The following ZFYVE19 variants were observed in gnomAD, a reference collection of about 807,000 sequenced individuals.
ZFYVE19 encodes zinc finger FYVE-type containing 19.
In ZFYVE19, 49 loss-of-function variants were observed where a neutral mutation model predicts 62.8. That is an observed-to-expected ratio of 0.78 (90% CI 0.62 to 0.99). The LOEUF (loss-of-function observed/expected upper bound fraction) is 0.99, where lower values mean the gene tolerates loss of function less well. Ranked by LOEUF, ZFYVE19 falls within the 50% of genes least tolerant of loss-of-function variation. The pLI is 0.00. For missense variants in ZFYVE19, 630 were observed against 601.9 expected, an observed-to-expected ratio of 1.05 and a Z score of -0.49; for synonymous variants, 242 against 234.3, an observed-to-expected ratio of 1.03 and a Z score of -0.30.
Position 40,814,208 on chromosome 15 carries a change from T to C in ZFYVE19, c.1398T>C (p.Arg466=). The stretch of plus-strand genomic sequence containing the variant: ...AGACATCTGCCTACTCTCCTCCACG[T>C]GCAGGCCAAGAGCACTGAAGACACC... ...EHQTSAYSPP[R]AGQEH is the part of the protein sequence containing the mutation. Residue 466 remains arginine, a synonymous_variant, in exon 11 of 11, where the codon CGT becomes CGC. Coordinates refer to ENST00000355341, the MANE Select transcript of ZFYVE19 (RefSeq NM_001077268.2). 1 of 1,614,162 alleles carries C rather than the reference T, an allele frequency of 6.2e-7. No individual in the cohort carries two copies. The highest frequency in any genetic ancestry group is 1.7e-5 in the Admixed American group (1 of 60,020).
intron 6 of ZFYVE19, among the ~76,000 whole-genome samples, chr15:40,812,454 G>T (rs1192796969): frequency 6.6e-6 from 1 of 151,518 alleles, no homozygotes; most frequent in Non-Finnish European, 1.5e-5. Context: ...GCTGAGGCAG[G>T]AGAATCGCTT....
rs1160187123 is a variant in ZFYVE19, at chr15:40,810,116, T to C, written c.617T>C (p.Leu206Pro). 7 of 1,614,016 alleles carry C rather than the reference T, an allele frequency of 4.3e-6. No individual in the cohort carries two copies. The highest frequency in any genetic ancestry group is 5.9e-6 in the Non-Finnish European group (7 of 1,180,026). ...QAEIEARLAA[L>P]KDERQGSIPS... ...GAGATAGAGGCACGGCTGGCTGCCCTAAAGGATGAACGTCAGGGTTCCATC... is the reference window on the plus strand; with the variant it reads ...GAGATAGAGGCACGGCTGGCTGCCCCAAAGGATGAACGTCAGGGTTCCATC... Residue 206 changes from leucine (L) to proline (P), a missense_variant, in exon 5 of 11, where the codon CTA becomes CCA. Physicochemically the swap from Leu to Pro is moderately conservative, Grantham distance 98. Coordinates refer to ENST00000355341, the MANE Select transcript of ZFYVE19 (RefSeq NM_001077268.2).
chr15:40,808,388 G>A lies in ZFYVE19; in HGVS notation c.279+520G>A, dbSNP rs745537693. On this transcript the variant is annotated intron_variant, in intron 1 of 10. Coordinates refer to ENST00000355341, the MANE Select transcript of ZFYVE19 (RefSeq NM_001077268.2). ...CTCTGGTAAACTGCAGGTTCCCTCT[G>A]CCTCAGTTGTGGCCAGGGATTCTGA... 50 of 1,595,980 alleles carry A rather than the reference G, an allele frequency of 3.1e-5. No individual in the cohort carries two copies. The South Asian group carries it at 5.3e-4, about 17-fold the overall frequency.
Position 40,813,716 on chromosome 15 carries a change from AC to A in ZFYVE19, c.1115del (p.Thr372MetfsTer135). On this transcript the variant is annotated frameshift_variant, in exon 9 of 11. Transcript: ENST00000355341. LOFTEE classifies it high-confidence loss of function. ...TACATCTTCACCCTGTCCGCAGCTC[AC>A]TGAAGAAGCTTCCCTGGATGAGGCA... The part of the protein sequence containing the change: ...TAIQRVLQQL[T>X]EEASLDEASG... 6.2e-7 allele frequency: 1 copy of A among 1,613,292 alleles called. No individual in the cohort carries two copies. Among genetic ancestry groups the A allele is most frequent in the South Asian group, 1.1e-5 (1 of 90,988 alleles).
chr15:40,814,333 T>A lies in ZFYVE19; in HGVS notation c.*107T>A. 8.0e-7 allele frequency: 1 copy of A among 1,248,120 alleles called. No homozygotes were observed. Among genetic ancestry groups the A allele is most frequent in the Non-Finnish European group, 1.1e-6 (1 of 881,108 alleles). 77.3% of individuals were successfully genotyped at this position (1,248,120 alleles called of 1,614,324 possible). ...AGAGCTTGTCTGGCTCTACTGATGA[T>A]GGATAGGCCCCTTCCTGAGCCTTGG... On this transcript the variant is annotated 3_prime_UTR_variant, in exon 11 of 11. Transcript: ENST00000355341.
rs183707737 is a variant in ZFYVE19 at position 40,808,317 on chromosome 15, T to C, written c.279+449T>C. The C allele has an allele frequency of 5.2e-5, 83 of 1,597,930 alleles. No homozygotes were observed. In the African/African-American group the frequency reaches 6.1e-4, roughly 12 times the overall value. ...ACTTCCTCCTGCTTCCGGGGCACCATGGTGAAGGCTGACTGTCCTGTCCCT... is the reference window on the plus strand; with the variant it reads ...ACTTCCTCCTGCTTCCGGGGCACCACGGTGAAGGCTGACTGTCCTGTCCCT... On this transcript the variant is annotated intron_variant, in intron 1 of 10. Transcript: ENST00000355341.
In ZFYVE19 at chr15:40,813,404, G is replaced by A. The variant is rs936348248; in HGVS notation, c.1097G>A (p.Arg366Lys). ...GAGGATGAGGAGACAGCCATCCAAA[G>A]AGTCCTGCAGCAGGTGGGCCTGGAT... ...DDEDEETAIQ[R>K]VLQQLTEEAS... is the part of the protein sequence containing the mutation. Residue 366 changes from arginine (R) to lysine (K), a missense_variant, in exon 8 of 11, where the codon AGA becomes AAA. By Grantham distance (26) the Arg-to-Lys change is conservative. Coordinates refer to ENST00000355341, the MANE Select transcript of ZFYVE19 (RefSeq NM_001077268.2). 8 of 1,607,130 alleles carry A rather than the reference G, an allele frequency of 5.0e-6. No individual in the cohort carries two copies. Among genetic ancestry groups the A allele is most frequent in the Admixed American group, 3.4e-5 (2 of 59,126 alleles).
chr15:40,811,224 G>A (rs2141978157), intron 6 of ZFYVE19: 1 of 218,908 alleles, frequency 4.6e-6, no homozygotes, highest in Middle Eastern at 1.8e-3. Context: ...ATGCTCAGTA[G>A]CCATATGGGC....
intron 1 of ZFYVE19, chr15:40,808,334 C>A (rs766472831): frequency 6.3e-7 from 1 of 1,597,874 alleles, no homozygotes; most frequent in Non-Finnish European, 8.5e-7. Flanking sequence ...GGCTGACTGT[C>A]CTGTCCCTAT....
intron 8 of ZFYVE19, 140 bp downstream of exon 8, chr15:40,813,557 C>T (rs1404295145): frequency 1.8e-6 from 2 of 1,131,960 alleles, no homozygotes; most frequent in Non-Finnish European, 2.5e-6. Flanking sequence ...CCCAGACCTG[C>T]CCACTGGTCC....
rs1433374297 is a variant in ZFYVE19, at chr15:40,807,772, G to C, written c.183G>C (p.Arg61=). The change falls in exon 1 of 11, where the codon CGG becomes CGC. Residue 61 remains arginine (R), a synonymous_variant. Transcript: ENST00000355341. ...GEGPRGPGLG[R]RDLSSADPAV... is the part of the protein sequence containing the mutation. The stretch of plus-strand genomic sequence containing the variant: ...GTCCAAGGGGCCCAGGACTTGGCCG[G>C]CGTGATCTCAGCTCTGCAGACCCTG... 6.3e-7 allele frequency: 1 copy of C among 1,583,180 alleles called. No individual in the cohort carries two copies. The highest frequency in any genetic ancestry group is 1.1e-5 in the South Asian group (1 of 87,936).
Position 40,812,772 on chromosome 15 carries a change from C to T in ZFYVE19, c.900C>T (p.Ser300=), listed in dbSNP as rs1188176425. 1 of 1,613,174 alleles carries T rather than the reference C, an allele frequency of 6.2e-7. No individual in the cohort carries two copies. Among genetic ancestry groups the T allele is most frequent in the Non-Finnish European group, 8.5e-7 (1 of 1,180,010 alleles). The change falls in exon 7 of 11, where the codon TCC becomes TCT. Residue 300 remains serine (S), a synonymous_variant. Transcript: ENST00000355341. ...ATTCCAAGAGGCAGGCCAACTGGTC[C>T]TTGGAGGAGGAGAAGAGCAGACTGC... The part of the protein sequence containing the change: ...STNSKRQANW[S]LEEEKSRLLA...
chr15:40,813,208 G>C (rs2141980591), intron 7 of ZFYVE19, 130 bp from the exon 8 acceptor site: 1 of 859,660 alleles, frequency 1.2e-6, no homozygotes. Context: ...GGTGGCTGAA[G>C]AGGCTTCTCA....
At position 40,807,435 on chromosome 15, in the gene ZFYVE19, G is replaced by T. The variant is rs2141970904; in HGVS notation, c.-155G>T. ...ACAGGTCCATCTGTAAGAGCTCCTT[G>T]GTCACTGCCATGGTTCCGGCCTGAC... is the stretch of plus-strand genomic sequence containing the variant. On this transcript the variant is annotated 5_prime_UTR_variant, in exon 1 of 11. Coordinates refer to ENST00000355341, the MANE Select transcript of ZFYVE19 (RefSeq NM_001077268.2). 2 of 1,614,228 alleles carry T rather than the reference G, an allele frequency of 1.2e-6. No homozygotes were observed. Among genetic ancestry groups the T allele is most frequent in the South Asian group, 1.1e-5 (1 of 91,084 alleles).
In ZFYVE19 at chr15:40,809,975, G is replaced by C. The variant is rs1890427113; in HGVS notation, c.571+5G>C. On this transcript the variant is annotated splice_donor_5th_base_variant and intron_variant, in intron 4 of 10. Coordinates refer to ENST00000355341, the MANE Select transcript of ZFYVE19 (RefSeq NM_001077268.2). ...TCCGCCAGGAGAACAAGCCCAGTGA[G>C]CAGGGGCAGATGGGGTTGCCTAGAG... 6.2e-7 allele frequency: 1 copy of C among 1,614,088 alleles called. No homozygotes were observed. Among genetic ancestry groups the C allele is most frequent in the African/African-American group, 1.3e-5 (1 of 74,924 alleles).
chr15:40,811,148 A>C (rs1245809362), intron 6 of ZFYVE19: 9 of 234,954 alleles, frequency 3.8e-5, no homozygotes, highest in Admixed American at 3.1e-4. Flanking sequence ...TACTCAGTGA[A>C]TATTCTCTGC....
rs192472112 is a variant in ZFYVE19 at position 40,812,670 on chromosome 15, G to C, written c.827-29G>C. On this transcript the variant is annotated intron_variant, in intron 6 of 10. Transcript: ENST00000355341. Reference sequence around the variant, plus strand: ...CTGAGGAGAGATACTGGGATGTCTCGGCCTTGCTGATGGCATTACCCCTTC... The same window carrying C: ...CTGAGGAGAGATACTGGGATGTCTCCGCCTTGCTGATGGCATTACCCCTTC... The C allele has an allele frequency of 5.7e-6, 9 of 1,589,242 alleles. No homozygotes were observed. The Middle Eastern group carries it at 5.0e-4, about 88-fold the overall frequency.
chr15:40,809,928 A>G lies in ZFYVE19; in HGVS notation c.529A>G (p.Ile177Val), dbSNP rs566729022. The change falls in exon 4 of 11, where the codon ATT (isoleucine) becomes GTT (valine). Residue 177 changes from isoleucine to valine, a missense_variant. By Grantham distance (29) the Ile-to-Val change is conservative. Coordinates refer to ENST00000355341, the MANE Select transcript of ZFYVE19 (RefSeq NM_001077268.2). ...SQGLTRQDQM[I>V]AERLARLRQE... ...GGGACTGACACGACAAGACCAGATG[A>G]TTGCTGAGCGCCTAGCACGACTCCG... is the stretch of plus-strand genomic sequence containing the variant. 4.3e-6 allele frequency: 7 copies of G among 1,614,076 alleles called. No individual in the cohort carries two copies. The highest frequency in any genetic ancestry group is 5.1e-6 in the Non-Finnish European group (6 of 1,180,022).
rs764504041 is a variant in ZFYVE19, at chr15:40,814,153, G to A, written c.1343G>A (p.Gly448Asp). ...DLFCARCFRE[G>D]HDAFELKEHQ... The stretch of plus-strand genomic sequence containing the variant: ...TGTATCCCTTTGTTCCACAGAGAGG[G>A]CCATGATGCCTTTGAGCTTAAAGAG... Residue 448 changes from glycine (G) to aspartate (D), a missense_variant, in exon 11 of 11, where the codon GGC (glycine) becomes GAC (aspartate). Gly to Asp is a moderately conservative substitution (Grantham distance 94). Coordinates refer to ENST00000355341, the MANE Select transcript of ZFYVE19 (RefSeq NM_001077268.2). 46 of 1,614,104 alleles carry A rather than the reference G, an allele frequency of 2.8e-5. No homozygotes were observed. The South Asian group carries it at 4.4e-4, about 15-fold the overall frequency.
Sources: allele counts gnomAD v4.1 joint callset (sites outside exome capture counted in the v4.1 genomes callset), GRCh38; gene constraint gnomAD v4.1.1; transcripts MANE v1.5; gene names NCBI Gene and HGNC (gene_info 2026-07-23, HGNC 2026-07-21).